Variants in PSD3 observed in about 807,000 individuals in gnomAD.
PSD3 encodes PH and SEC7 domain-containing protein 3.
In PSD3, 49 loss-of-function variants were observed where a neutral mutation model predicts 105.5. The observed-to-expected ratio is 0.46, with a 90% CI of 0.37 to 0.59. PSD3 has a LOEUF of 0.59. PSD3 is among the 20% of genes least tolerant of loss of function. The pLI, the probability that PSD3 is intolerant of heterozygous loss-of-function variation, is 0.00. For synonymous variants in PSD3, 557 were observed against 457.8 expected, an observed-to-expected ratio of 1.22 and a Z score of -2.77; for missense variants, 1,561 against 1,263.8, an observed-to-expected ratio of 1.24 and a Z score of -3.57.
At chr8:18,983,829 T>C (rs1437519788) in intron 1 of PSD3, among the ~76,000 whole-genome samples, 5 of 150,066 alleles carry the variant, frequency 3.3e-5, no homozygotes, top group Non-Finnish European at 5.9e-5. Flanking sequence ...CCAGACGCCG[T>C]CTCTACAAAA....
At chr8:18,621,482 T>C (rs988860245) in intron 11 of PSD3, among the ~76,000 whole-genome samples, 1 of 152,162 alleles carries the variant, frequency 6.6e-6, no homozygotes, top group African/African-American at 2.4e-5. Context: ...CCAGAAAGCA[T>C]GGATTTTAAA....
At chr8:19,033,640 C>T (rs1359125322) in intron 1 of PSD3, among the ~76,000 whole-genome samples, 1 of 150,836 alleles carries the variant, frequency 6.6e-6, no homozygotes, top group Non-Finnish European at 1.5e-5. Context: ...ATTCCCTTTT[C>T]CCTTGGCTCT....
intron 1 of PSD3, among the ~76,000 whole-genome samples, chr8:18,948,159 T>A (rs1822984100): frequency 6.6e-6 from 1 of 152,224 alleles, no homozygotes; most frequent in Admixed American, 6.5e-5. Flanking sequence ...TTCCCCTACC[T>A]ATTCCTGACC....
intron 8 of PSD3, among the ~76,000 whole-genome samples, chr8:18,783,432 A>G (rs1275786439): frequency 2.7e-5 from 4 of 149,700 alleles, no homozygotes; most frequent in African/African-American, 1.0e-4. Flanking sequence ...CTTTTTCTCT[A>G]TTACTCTTCT....
chr8:18,541,813 C>T (rs1306389352), intron 15 of PSD3, among the ~76,000 whole-genome samples: 9 of 150,126 alleles, frequency 6.0e-5, no homozygotes, highest in African/African-American at 7.4e-5. Flanking sequence ...TGCAATGGGG[C>T]GATCTCGGCT....
chr8:19,052,124 C>G (rs1048392306), intron 1 of PSD3, among the ~76,000 whole-genome samples: 1 of 152,030 alleles, frequency 6.6e-6, no homozygotes, highest in Non-Finnish European at 1.5e-5. Flanking sequence ...TGGAAGAGAG[C>G]AAGGATGGTC....
intron 1 of PSD3, among the ~76,000 whole-genome samples, chr8:19,041,563 T>C (rs932517527): frequency 2.0e-5 from 3 of 152,254 alleles, no homozygotes; most frequent in Non-Finnish European, 4.4e-5. Flanking sequence ...CAGTGTGCTA[T>C]GTCACTTTTC....
chr8:18,860,568 C>T (rs1449888328), intron 4 of PSD3, among the ~76,000 whole-genome samples: 2 of 152,062 alleles, frequency 1.3e-5, no homozygotes, highest in African/African-American at 4.8e-5. Flanking sequence ...AAGTGAAAAA[C>T]AAGATTAAAG....
chr8:18,880,120 T>C (rs1242561702), intron 2 of PSD3, among the ~76,000 whole-genome samples: 5 of 152,200 alleles, frequency 3.3e-5, no homozygotes, highest in African/African-American at 1.2e-4. Flanking sequence ...GACTGTGTTG[T>C]TAATCCTGAC....
intron 4 of PSD3, chr8:18,864,845 T>G (rs1816707635): frequency 6.6e-6 from 1 of 152,050 alleles, no homozygotes. Flanking sequence ...GGCAGAGGGA[T>G]GTTTTAACGC....
chr8:19,036,066 A>AT, intron 1 of PSD3, among the ~76,000 whole-genome samples: 1 of 152,144 alleles, frequency 6.6e-6, no homozygotes, highest in Non-Finnish European at 1.5e-5. Flanking sequence ...AAAAAAATAT[A>AT]TTTTCTAATG....
chr8:18,561,301 A>G (rs1305021591), intron 14 of PSD3, among the ~76,000 whole-genome samples: 2 of 152,214 alleles, frequency 1.3e-5, no homozygotes, highest in Admixed American at 6.5e-5. Context: ...TCACCCTTAA[A>G]AAAGAGGAAA....
At chr8:18,916,470 A>AT (rs771010609) in intron 2 of PSD3, among the ~76,000 whole-genome samples, 4 of 151,718 alleles carry the variant, frequency 2.6e-5, no homozygotes, top group Non-Finnish European at 5.9e-5. Context: ...GCTAAGTGAA[A>AT]TAAGTCAGGC....
At chr8:18,832,922 T>C (rs554691499) in intron 4 of PSD3, among the ~76,000 whole-genome samples, 2 of 152,268 alleles carry the variant, frequency 1.3e-5, no homozygotes, top group Non-Finnish European at 2.9e-5. Flanking sequence ...TTATGGGAAC[T>C]ACAATTAAAG....
intron 4 of PSD3, among the ~76,000 whole-genome samples, chr8:18,811,720 G>C (rs542104798): frequency 6.6e-6 from 1 of 152,154 alleles, no homozygotes; most frequent in African/African-American, 2.4e-5. Context: ...CAGCATGTTA[G>C]ATGTGTGAGG....
chr8:18,979,035 T>C (rs4921978), intron 1 of PSD3, among the ~76,000 whole-genome samples: 125,362 of 152,042 alleles, frequency 0.82, 51,896 homozygotes, highest in Middle Eastern at 0.91. Context: ...ATAATCCCTT[T>C]ACCACTGTGG....
intron 1 of PSD3, among the ~76,000 whole-genome samples, chr8:18,936,366 T>C (rs1235952472): frequency 6.6e-6 from 1 of 152,114 alleles, no homozygotes; most frequent in Admixed American, 6.5e-5. Flanking sequence ...CATATAAACA[T>C]CTATAGGGAA....
rs552171942 is a variant in PSD3 at position 18,665,293 on chromosome 8, T to A, written c.2173-9608A>T. Reference sequence around the variant, plus strand: ...TCAAAATATCAACATCAACAGGAGTTTGGAAGAAGTTGATTCCAACCCTCA... The same window carrying A: ...TCAAAATATCAACATCAACAGGAGTATGGAAGAAGTTGATTCCAACCCTCA... On this transcript the variant is annotated intron_variant, in intron 9 of 15. Coordinates refer to ENST00000327040, the MANE Select transcript of PSD3 (RefSeq NM_015310.4). Among the ~76,000 whole-genome samples, 3 of 152,298 alleles carry A rather than the reference T, an allele frequency of 2.0e-5. No homozygotes were observed. In the East Asian group the frequency reaches 5.8e-4, roughly 29 times the overall value.
At chr8:18,755,959 C>T (rs532155130) in intron 9 of PSD3, among the ~76,000 whole-genome samples, 3 of 152,234 alleles carry the variant, frequency 2.0e-5, no homozygotes, top group Non-Finnish European at 2.9e-5. Context: ...AGCGGAAACA[C>T]GCCACGCACC....
Sources: gnomAD v4.1 joint callset for allele counts (sites outside exome capture counted in the v4.1 genomes callset) on GRCh38, gnomAD v4.1.1 for gene constraint, MANE v1.5 for transcripts, NCBI Gene and HGNC (gene_info 2026-07-23, HGNC 2026-07-21) for gene names.